Variants in ABCA1 observed in about 807,000 individuals in gnomAD.
The protein encoded by ABCA1 is phospholipid-transporting ATPase ABCA1.
Under a neutral mutation model 262.5 loss-of-function variants are expected in ABCA1, and 133 were observed. The observed-to-expected ratio is 0.51, with a 90% CI of 0.44 to 0.59. The LOEUF is 0.59. Ranked by LOEUF, ABCA1 falls within the 20% of genes least tolerant of loss-of-function variation. The probability of loss-of-function intolerance (pLI) is 0.00; values close to 1 mark genes in which losing one functional copy is unlikely to be tolerated. For synonymous variants in ABCA1, 1,022 were observed against 1,043.5 expected (o/e 0.98, Z 0.40); for missense variants, 2,452 against 2,777.5 (o/e 0.88, Z 2.63).
rs181247044 is a variant in ABCA1 at position 104,844,569 on chromosome 9, G to A, written c.813+908C>T. Among the ~76,000 whole-genome samples the A allele has an allele frequency of 1.7e-3, 259 of 152,160 alleles. 1 individual carries two copies. Among genetic ancestry groups the A allele is most frequent in the African/African-American group, 5.6e-3 (233 of 41,522 alleles). ...TTCATTGTTAGAAAACATAAAGTTCGTTTTTGATATTTGAAAAAATGATGC... is the reference window on the plus strand; with the variant it reads ...TTCATTGTTAGAAAACATAAAGTTCATTTTTGATATTTGAAAAAATGATGC... On this transcript the variant is annotated intron_variant, in intron 8 of 49. Transcript: ENST00000374736.
Position 104,802,173 on chromosome 9 carries a change from C to G in ABCA1, c.4593-14G>C. 6.2e-7 allele frequency: 1 copy of G among 1,611,830 alleles called. No homozygotes were observed. The highest frequency in any genetic ancestry group is 1.3e-5 in the African/African-American group (1 of 74,966). The stretch of plus-strand genomic sequence containing the variant: ...AAGCCGCCATACCTAAAAGAACAGC[C>G]TGACATTAAAACCCAGACAGTGGGG... On this transcript the variant is annotated splice_polypyrimidine_tract_variant and intron_variant, in intron 33 of 49. Coordinates refer to ENST00000374736, the MANE Select transcript of ABCA1 (RefSeq NM_005502.4).
chr9:104,900,304 C>T (rs1394548647), intron 2 of ABCA1, among the ~76,000 whole-genome samples: 3 of 152,190 alleles, frequency 2.0e-5, no homozygotes, highest in Non-Finnish European at 1.5e-5. Context: ...TAAGACATTT[C>T]CCACTCATTC....
chr9:104,866,795 A>G (rs1837136424), intron 5 of ABCA1, among the ~76,000 whole-genome samples: 1 of 151,826 alleles, frequency 6.6e-6, no homozygotes, highest in South Asian at 2.1e-4. Flanking sequence ...GCGTTTTGTG[A>G]CTCTTTTGTG....
At chr9:104,899,899 C>T in intron 2 of ABCA1, among the ~76,000 whole-genome samples, 1 of 152,160 alleles carries the variant, frequency 6.6e-6, no homozygotes, top group East Asian at 1.9e-4. Flanking sequence ...CCCTTCCTGT[C>T]CCCAGCCCTG....
chr9:104,843,946 A>T (rs964048585), intron 8 of ABCA1, among the ~76,000 whole-genome samples: 1 of 151,622 alleles, frequency 6.6e-6, no homozygotes, highest in African/African-American at 2.4e-5. Context: ...GCCAAGAAAA[A>T]CGTATATTGT....
intron 14 of ABCA1, among the ~76,000 whole-genome samples, chr9:104,829,932 A>T (rs1833115853): frequency 6.9e-6 from 1 of 144,506 alleles, no homozygotes; most frequent in African/African-American, 2.7e-5. Context: ...CTCCTCCCGC[A>T]TCCTGATCCC....
intron 5 of ABCA1, among the ~76,000 whole-genome samples, chr9:104,881,190 T>C (rs903489900): frequency 9.9e-5 from 15 of 152,152 alleles, no homozygotes; most frequent in African/African-American, 3.4e-4. Context: ...AGTGTTGTTT[T>C]AAGGCAGTCT....
In ABCA1 at chr9:104,787,937, G is replaced by A. The variant is rs1230482589; in HGVS notation, c.6187C>T (p.Pro2063Ser). 2 of 1,614,068 alleles carry A rather than the reference G, an allele frequency of 1.2e-6. No homozygotes were observed. The highest frequency in any genetic ancestry group is 1.1e-5 in the South Asian group (1 of 91,068). The change falls in exon 46 of 50, where the codon CCT (proline) becomes TCT (serine). Residue 2063 changes from proline to serine, a missense_variant. Coordinates refer to ENST00000374736, the MANE Select transcript of ABCA1 (RefSeq NM_005502.4). ...ATACTCACCAGAAACACCACAGGAG[G>A]CCCGCCGATCAAAGCCATGGCTGTA... ...LSTAMALIGGPPVVFLDEPTT... is the reference protein window; with the variant it reads ...LSTAMALIGGSPVVFLDEPTT...
intron 39 of ABCA1, among the ~76,000 whole-genome samples, chr9:104,795,005 C>G (rs1829775118): frequency 6.6e-6 from 1 of 152,018 alleles, no homozygotes; most frequent in Non-Finnish European, 1.5e-5. Flanking sequence ...ATGGGAGAGG[C>G]AAAATTATTA....
chr9:104,915,628 T>C, intron 1 of ABCA1, among the ~76,000 whole-genome samples: 1 of 152,146 alleles, frequency 6.6e-6, no homozygotes. Flanking sequence ...GTGTTCCTTA[T>C]AGAAAAAACT....
intron 4 of ABCA1, 132 bp downstream of exon 4, chr9:104,884,295 A>G (rs1838959422): frequency 8.6e-7 from 1 of 1,167,040 alleles, no homozygotes; most frequent in Non-Finnish European, 1.3e-6. Flanking sequence ...CTCATTCTGC[A>G]GACTCTATCA....
intron 18 of ABCA1, among the ~76,000 whole-genome samples, chr9:104,823,686 G>A (rs953241043): frequency 6.6e-6 from 1 of 152,106 alleles, no homozygotes; most frequent in Non-Finnish European, 1.5e-5. Flanking sequence ...TCTCCTGTGA[G>A]AGCAAACAGT....
rs1391686800 is a variant in ABCA1, at chr9:104,840,140, A to C, written c.1054+139T>G. 29 of 1,444,688 alleles carry C rather than the reference A, an allele frequency of 2.0e-5. No homozygotes were observed. The Admixed American group carries it at 2.2e-4, about 11-fold the overall frequency. The allele number at this position is 1,444,688 out of a possible 1,614,324, so 89.5% of individuals were successfully genotyped here. On this transcript the variant is annotated intron_variant, in intron 9 of 49. Coordinates refer to ENST00000374736, the MANE Select transcript of ABCA1 (RefSeq NM_005502.4). ...TATTCAAGAGAAGCCTCTCTCCTCTAGGAAGAGCTCAGTCTGGTGGGCAAA... is the reference window on the plus strand; with the variant it reads ...TATTCAAGAGAAGCCTCTCTCCTCTCGGAAGAGCTCAGTCTGGTGGGCAAA...
intron 2 of ABCA1, among the ~76,000 whole-genome samples, chr9:104,901,760 C>T (rs1024844863): frequency 6.6e-6 from 1 of 152,158 alleles, no homozygotes; most frequent in Non-Finnish European, 1.5e-5. Context: ...TGGATTTGAA[C>T]CCTACCTGTG....
intron 2 of ABCA1, among the ~76,000 whole-genome samples, chr9:104,893,421 CAAAAAAA>C (rs34544647): frequency 1.7e-4 from 6 of 35,266 alleles, no homozygotes; most frequent in African/African-American, 3.7e-4. Context: ...GACTTCACCT[CAAAAAAA>C]AAAAAAAAAA....
intron 8 of ABCA1, among the ~76,000 whole-genome samples, chr9:104,845,045 TA>T (rs1458803179): frequency 6.6e-6 from 1 of 152,230 alleles, no homozygotes. Flanking sequence ...AGGGCTGAAT[TA>T]GGGGTACCAC....
rs1436379382 is a variant in ABCA1, at chr9:104,858,522, C to G, written c.720G>C (p.Leu240=). The G allele has an allele frequency of 6.2e-7, 1 of 1,613,600 alleles. No homozygotes were observed. The highest frequency in any genetic ancestry group is 1.7e-5 in the Admixed American group (1 of 60,022). Residue 240 remains leucine (L), a splice_region_variant and synonymous_variant, in exon 7 of 50, where the codon CTG becomes CTC. Coordinates refer to ENST00000374736, the MANE Select transcript of ABCA1 (RefSeq NM_005502.4). ...RSNMDILKPI[L]RTLNSTSPFP... ...TTCTCCAGTGAGCAAGTCTACTCAC[C>G]AGGATTGGCTTCAGGATGTCCATGT...
chr9:104,797,420 A>C (rs1588222448), intron 37 of ABCA1, among the ~76,000 whole-genome samples: 1 of 152,242 alleles, frequency 6.6e-6, no homozygotes, highest in Non-Finnish European at 1.5e-5. Context: ...TTGGTTTACC[A>C]CTAAGTTGCC....
At chr9:104,871,660 T>A (rs2119139854) in intron 5 of ABCA1, among the ~76,000 whole-genome samples, 1 of 152,108 alleles carries the variant, frequency 6.6e-6, no homozygotes, top group Middle Eastern at 3.4e-3. Context: ...ATAGCTGAGA[T>A]GAAAACTCTA....
Sources: gnomAD v4.1 joint callset for allele counts (sites outside exome capture counted in the v4.1 genomes callset) on GRCh38, gnomAD v4.1.1 for gene constraint, MANE v1.5 for transcripts, NCBI Gene and HGNC (gene_info 2026-07-23, HGNC 2026-07-21) for gene names.